Variants in CAPSL observed in about 807,000 individuals in gnomAD.
The protein encoded by CAPSL is calcyphosin-like protein.
Under a neutral mutation model 21.3 loss-of-function variants are expected in CAPSL, and 17 were observed. The ratio of observed to expected loss-of-function variants is 0.80; its 90% CI spans 0.55 to 1.20. CAPSL has a LOEUF of 1.20. CAPSL is among the 50% of genes most tolerant of loss of function. The pLI is 0.00. For missense variants in CAPSL, 289 were observed against 259.3 expected, an observed-to-expected ratio of 1.11 and a Z score of -0.79; for synonymous variants, 102 against 89.3, an observed-to-expected ratio of 1.14 and a Z score of -0.80.
At chr5:35,904,793 A>G (rs1760640564) in intron 4 of CAPSL, 147 bp from the exon 5 acceptor site, 2 of 1,248,210 alleles carry the variant, frequency 1.6e-6, no homozygotes, top group East Asian at 5.3e-5. Flanking sequence ...AAAACAAAAG[A>G]ACAAGTGAAG....
chr5:35,916,161 G>A (rs1738379178), intron 2 of CAPSL, among the ~76,000 whole-genome samples: 1 of 151,952 alleles, frequency 6.6e-6, no homozygotes, highest in African/African-American at 2.4e-5. Context: ...TACAAGGGAT[G>A]TGAAGGACCT....
At chr5:35,929,585 G>A (rs1362429534) in intron 1 of CAPSL, among the ~76,000 whole-genome samples, 3 of 152,098 alleles carry the variant, frequency 2.0e-5, no homozygotes, top group African/African-American at 4.8e-5. Context: ...CACCACGCCC[G>A]GCCTTGAAAA....
In CAPSL at chr5:35,921,028, C is replaced by G; in HGVS notation, c.93G>C (p.Leu31=). ...TATDPIERLR[L]QCLARGSAGI... ...CAGCAGAGCCCCTGGCCAGGCACTG[C>G]AGTCGGAGTCTTTCAATGGGGTCGG... The change falls in exon 2 of 5, where the codon CTG becomes CTC. Residue 31 remains leucine (L), a synonymous_variant. Coordinates refer to ENST00000651391, the MANE Select transcript of CAPSL (RefSeq NM_001042625.2). 6.2e-7 allele frequency: 1 copy of G among 1,614,124 alleles called. No homozygotes were observed. The highest frequency in any genetic ancestry group is 2.2e-5 in the East Asian group (1 of 44,878).
At position 35,905,445 on chromosome 5, in the gene CAPSL, A is replaced by G. The variant is rs73748710; in HGVS notation, c.526-799T>C. Among the ~76,000 whole-genome samples, 833 of 152,294 alleles carry G rather than the reference A, an allele frequency of 5.5e-3. 8 individuals carry two copies. Among genetic ancestry groups the G allele is most frequent in the African/African-American group, 0.019 (792 of 41,540 alleles). ...AAGAGATGACTGACCCACTGGTCCT[A>G]TTGAAATTATAAGTGACCAGAAAAG... is the stretch of plus-strand genomic sequence containing the variant. On this transcript the variant is annotated intron_variant, in intron 4 of 4. Transcript: ENST00000651391.
chr5:35,915,764 C>T (rs908755218), intron 2 of CAPSL, among the ~76,000 whole-genome samples: 15 of 152,062 alleles, frequency 9.9e-5, no homozygotes, highest in Non-Finnish European at 1.5e-4. Flanking sequence ...CACACTGAAT[C>T]GGCAAAAAAC....
chr5:35,906,394 C>G (rs1334488606), intron 4 of CAPSL, among the ~76,000 whole-genome samples: 3 of 152,052 alleles, frequency 2.0e-5, no homozygotes, highest in African/African-American at 7.2e-5. Context: ...GAGTTCTCAC[C>G]AATAAGATAC....
At chr5:35,928,194 T>C (rs1351047176) in intron 1 of CAPSL, among the ~76,000 whole-genome samples, 2 of 152,172 alleles carry the variant, frequency 1.3e-5, no homozygotes, top group African/African-American at 4.8e-5. Context: ...AAAGCGACTT[T>C]TATTAACACC....
At chr5:35,936,093 G>A (rs973077209) in intron 1 of CAPSL, among the ~76,000 whole-genome samples, 3 of 151,912 alleles carry the variant, frequency 2.0e-5, no homozygotes, top group South Asian at 2.1e-4. Flanking sequence ...CCAAACTTTT[G>A]CCACTCCAGA....
At chr5:35,926,810 C>T (rs576959894) in intron 1 of CAPSL, among the ~76,000 whole-genome samples, 1 of 152,184 alleles carries the variant, frequency 6.6e-6, no homozygotes, top group African/African-American at 2.4e-5. Context: ...CTCTTTGTTG[C>T]AAAATCCAAT....
At chr5:35,922,252 G>A (rs964817448) in intron 1 of CAPSL, among the ~76,000 whole-genome samples, 1 of 152,114 alleles carries the variant, frequency 6.6e-6, no homozygotes, top group African/African-American at 2.4e-5. Flanking sequence ...TATACACCCT[G>A]AAAGGTCTCC....
intron 2 of CAPSL, among the ~76,000 whole-genome samples, chr5:35,914,441 T>C (rs898482703): frequency 2.4e-4 from 36 of 152,144 alleles, no homozygotes; most frequent in African/African-American, 8.5e-4. Context: ...TATTCCAAAA[T>C]TGACCACATA....
At chr5:35,910,301 G>C in intron 3 of CAPSL, 65 bp downstream of exon 3, 1 of 1,536,328 alleles carries the variant, frequency 6.5e-7, no homozygotes, top group Non-Finnish European at 8.8e-7. Context: ...AAAACCTCAA[G>C]GTAGCCAACC....
intron 4 of CAPSL, among the ~76,000 whole-genome samples, chr5:35,906,859 C>T (rs1760689578): frequency 6.6e-6 from 1 of 152,126 alleles, no homozygotes; most frequent in Admixed American, 6.5e-5. Context: ...AGCATTAAAC[C>T]TCACTTGGAA....
chr5:35,923,859 T>C (rs927748756), intron 1 of CAPSL, among the ~76,000 whole-genome samples: 4 of 152,202 alleles, frequency 2.6e-5, no homozygotes, highest in Admixed American at 6.5e-5. Flanking sequence ...GTGAATGTAA[T>C]ATACACTTTA....
intron 1 of CAPSL, among the ~76,000 whole-genome samples, chr5:35,921,409 G>T (rs1433657039): frequency 6.6e-6 from 1 of 152,116 alleles, no homozygotes; most frequent in Admixed American, 6.5e-5. Flanking sequence ...CATAAAAGAA[G>T]TGCAATTTCT....
rs532933830 is a variant in CAPSL, at chr5:35,926,609, C to G, written c.1-5489G>C. On this transcript the variant is annotated intron_variant, in intron 1 of 4. Transcript: ENST00000651391. ...CTTGGAAGAGGGAACTGCTCTAGCC[C>G]TAGCCTGCATCTATTGACTTGTCTT... 1.4e-4 allele frequency among the ~76,000 whole-genome samples: 22 copies of G among 152,324 alleles called. No homozygotes were observed. In the East Asian group the frequency reaches 4.1e-3, roughly 28 times the overall value.
intron 1 of CAPSL, among the ~76,000 whole-genome samples, chr5:35,936,643 C>T (rs532235568): frequency 2.6e-5 from 4 of 152,238 alleles, no homozygotes; most frequent in Admixed American, 2.0e-4. Context: ...CTCTCAATGG[C>T]TATAAATCTA....
intron 1 of CAPSL, among the ~76,000 whole-genome samples, chr5:35,936,197 AG>A (rs1429198762): frequency 6.6e-6 from 1 of 152,110 alleles, no homozygotes; most frequent in African/African-American, 2.4e-5. Context: ...TAGCGCTCTA[AG>A]GGCATCCTGA....
intron 1 of CAPSL, among the ~76,000 whole-genome samples, chr5:35,932,541 G>T (rs1184891269): frequency 6.6e-6 from 1 of 152,180 alleles, no homozygotes; most frequent in Non-Finnish European, 1.5e-5. Flanking sequence ...CTCCAAAGGA[G>T]TCTGGGAAAC....
Sources: gnomAD v4.1 joint callset for allele counts (sites outside exome capture counted in the v4.1 genomes callset) on GRCh38, gnomAD v4.1.1 for gene constraint, MANE v1.5 for transcripts, NCBI Gene and HGNC (gene_info 2026-07-23, HGNC 2026-07-21) for gene names.